Variants in NRXN1 observed in about 807,000 individuals in gnomAD.
NRXN1 encodes neurexin-1.
NRXN1 carries 39 observed loss-of-function variants against 150.9 expected under a neutral mutation model. The ratio of observed to expected loss-of-function variants is 0.26; its 90% CI spans 0.20 to 0.34. NRXN1 has a LOEUF of 0.34. Ranked by LOEUF, NRXN1 falls within the 10% of genes least tolerant of loss-of-function variation. The probability of loss-of-function intolerance (pLI) is 1.00; values close to 1 mark genes in which losing one functional copy is unlikely to be tolerated. For synonymous variants in NRXN1, 924 were observed against 757.0 expected, an observed-to-expected ratio of 1.22 and a Z score of -3.62; for missense variants, 1,815 against 1,949.9, an observed-to-expected ratio of 0.93 and a Z score of 1.30.
At chr2:50,529,008 G>A (rs976090712) in intron 11 of NRXN1, 8 of 225,760 alleles carry the variant, frequency 3.5e-5, no homozygotes, top group Admixed American at 1.2e-4. Flanking sequence ...AAAGTGCTCC[G>A]TCACAATGGG....
intron 5 of NRXN1, among the ~76,000 whole-genome samples, chr2:50,663,849 A>G (rs1251579428): frequency 1.3e-5 from 2 of 150,750 alleles, no homozygotes; most frequent in African/African-American, 5.0e-5. Context: ...TAAAGATTTA[A>G]GAATATTTTT....
chr2:50,231,921 A>T (rs2064979028), intron 18 of NRXN1, among the ~76,000 whole-genome samples: 1 of 152,160 alleles, frequency 6.6e-6, no homozygotes. Flanking sequence ...TATTTAAGTC[A>T]TTATCAGTTA....
chr2:50,081,493 A>G (rs924670849), intron 19 of NRXN1, among the ~76,000 whole-genome samples: 1 of 152,210 alleles, frequency 6.6e-6, no homozygotes, highest in South Asian at 2.1e-4. Context: ...TGGAGGTTGC[A>G]GTGAGCCAAA....
At chr2:49,961,919 G>A (rs184534211) in intron 21 of NRXN1, among the ~76,000 whole-genome samples, 35 of 152,206 alleles carry the variant, frequency 2.3e-4, no homozygotes, top group Admixed American at 8.5e-4. Context: ...AATATAAAGG[G>A]AAACTGTAAG....
At position 49,921,658 on chromosome 2, in the gene NRXN1, C is replaced by G; in HGVS notation, c.*286G>C. On this transcript the variant is annotated 3_prime_UTR_variant, in exon 23 of 23. Coordinates refer to ENST00000401669, the MANE Select transcript of NRXN1 (RefSeq NM_001330078.2). Reference sequence around the variant, plus strand: ...GCTTTATGAATGCGTGCGGTCATCACTGTCTTTTAGAAATGTTCCAGCAAC... The same window carrying G: ...GCTTTATGAATGCGTGCGGTCATCAGTGTCTTTTAGAAATGTTCCAGCAAC... 1 of 407,684 alleles carries G rather than the reference C, an allele frequency of 2.5e-6. No individual in the cohort carries two copies. Among genetic ancestry groups the G allele is most frequent in the Non-Finnish European group, 4.4e-6 (1 of 224,902 alleles). 25.3% of individuals were successfully genotyped at this position (407,684 alleles called of 1,614,324 possible).
At chr2:50,704,776 C>T (rs1694206406) in intron 5 of NRXN1, among the ~76,000 whole-genome samples, 1 of 151,206 alleles carries the variant, frequency 6.6e-6, no homozygotes, top group African/African-American at 2.4e-5. Context: ...CAAATAAATA[C>T]CAATGAAAGA....
intron 2 of NRXN1, among the ~76,000 whole-genome samples, chr2:51,018,239 C>G (rs1415923084): frequency 6.6e-6 from 1 of 152,090 alleles, no homozygotes; most frequent in Non-Finnish European, 1.5e-5. Flanking sequence ...AGCAACTGTT[C>G]GTCTTGGCAG....
chr2:50,976,637 C>T (rs1396413123), intron 2 of NRXN1, among the ~76,000 whole-genome samples: 1 of 151,902 alleles, frequency 6.6e-6, no homozygotes, highest in Non-Finnish European at 1.5e-5. Context: ...AGTGAATACA[C>T]CACCTCTGTA....
At chr2:50,223,909 A>G (rs1055044382) in intron 18 of NRXN1, among the ~76,000 whole-genome samples, 1 of 151,948 alleles carries the variant, frequency 6.6e-6, no homozygotes, top group Middle Eastern at 3.2e-3. Context: ...GGTTACTTTC[A>G]TATTCATCAC....
chr2:50,576,845 C>T (rs975049670), intron 8 of NRXN1, among the ~76,000 whole-genome samples: 1 of 151,976 alleles, frequency 6.6e-6, no homozygotes, highest in Non-Finnish European at 1.5e-5. Flanking sequence ...CTGGCTTTTT[C>T]CCTCTTTACC....
At chr2:50,109,081 A>G (rs1295636751) in intron 18 of NRXN1, among the ~76,000 whole-genome samples, 1 of 152,194 alleles carries the variant, frequency 6.6e-6, no homozygotes, top group Non-Finnish European at 1.5e-5. Context: ...ATGAAACTAT[A>G]TAATTTTTTG....
At chr2:50,302,800 A>G (rs1246892749) in intron 17 of NRXN1, among the ~76,000 whole-genome samples, 2 of 152,182 alleles carry the variant, frequency 1.3e-5, no homozygotes, top group African/African-American at 4.8e-5. Context: ...CCTACACTAT[A>G]TTTTTAATTG....
chr2:49,991,066 T>C (rs1304606216), intron 21 of NRXN1, among the ~76,000 whole-genome samples: 3 of 151,944 alleles, frequency 2.0e-5, no homozygotes, highest in Non-Finnish European at 4.4e-5. Flanking sequence ...AAAAATAAAA[T>C]AAATAGAAAA....
At position 50,094,767 on chromosome 2, in the gene NRXN1, G is replaced by GA. The variant is rs10632264; in HGVS notation, c.3547-3274dup. ...GGTGAAGAAAACTGAGAAAAGAAAAGAAAAAAAAAAAAAGAACTTGGAATT... is the reference window on the plus strand; with the variant it reads ...GGTGAAGAAAACTGAGAAAAGAAAAGAAAAAAAAAAAAAAGAACTTGGAATT... On this transcript the variant is annotated intron_variant, in intron 18 of 22. Transcript: ENST00000401669. 7.2e-3 allele frequency among the ~76,000 whole-genome samples: 952 copies of GA among 131,384 alleles called. 9 individuals are homozygous for GA. Among genetic ancestry groups the GA allele is most frequent in the African/African-American group, 0.019 (680 of 35,012 alleles). 86.2% of individuals were successfully genotyped at this position (131,384 alleles called of 152,430 possible).
At chr2:50,595,776 T>C (rs1675101588) in intron 8 of NRXN1, among the ~76,000 whole-genome samples, 1 of 152,214 alleles carries the variant, frequency 6.6e-6, no homozygotes, top group African/African-American at 2.4e-5. Context: ...ATTATGACTT[T>C]AGTTTCTACT....
chr2:50,904,415 T>C (rs1029893038), intron 5 of NRXN1, among the ~76,000 whole-genome samples: 1 of 152,156 alleles, frequency 6.6e-6, no homozygotes, highest in African/African-American at 2.4e-5. Context: ...TTTACAAATG[T>C]ATCCAAGTTC....
intron 17 of NRXN1, among the ~76,000 whole-genome samples, chr2:50,281,411 T>C (rs997255293): frequency 1.3e-5 from 2 of 152,080 alleles, no homozygotes; most frequent in African/African-American, 2.4e-5. Flanking sequence ...GAATGTGCTA[T>C]GGAGAGCCTT....
At chr2:50,499,193 A>T (rs955997806) in intron 13 of NRXN1, among the ~76,000 whole-genome samples, 2 of 152,210 alleles carry the variant, frequency 1.3e-5, no homozygotes, top group African/African-American at 4.8e-5. Context: ...TTTGATGATT[A>T]TACATATATT....
intron 21 of NRXN1, among the ~76,000 whole-genome samples, chr2:49,951,019 C>T (rs956431246): frequency 6.6e-6 from 1 of 151,798 alleles, no homozygotes; most frequent in Non-Finnish European, 1.5e-5. Context: ...AAAAAGTATG[C>T]AATGGTTCCA....
Sources: gnomAD v4.1 joint callset for allele counts (sites outside exome capture counted in the v4.1 genomes callset) on GRCh38, gnomAD v4.1.1 for gene constraint, MANE v1.5 for transcripts, NCBI Gene and HGNC (gene_info 2026-07-23, HGNC 2026-07-21) for gene names.